The following ASB15 variants were observed in gnomAD, a reference collection of about 807,000 sequenced individuals.
ASB15 encodes the protein ankyrin repeat and SOCS box containing 15, also known as ankyrin repeat and SOCS box protein 15.
In ASB15, 54 loss-of-function variants were observed where a neutral mutation model predicts 58.0. The observed-to-expected ratio is 0.93, with a 90% CI of 0.75 to 1.17. The LOEUF (loss-of-function observed/expected upper bound fraction) is 1.17, where lower values mean the gene tolerates loss of function less well. ASB15 is among the 50% of genes most tolerant of loss of function. The pLI is 0.00. For missense variants in ASB15, 680 were observed against 707.4 expected, an observed-to-expected ratio of 0.96 and a Z score of 0.44; for synonymous variants, 249 against 262.4, an observed-to-expected ratio of 0.95 and a Z score of 0.50.
At chr7:123,622,175 C>T (rs976508215) in intron 7 of ASB15, among the ~76,000 whole-genome samples, 3 of 152,056 alleles carry the variant, frequency 2.0e-5, no homozygotes, top group African/African-American at 4.8e-5. Flanking sequence ...TTAAGCATTA[C>T]TATTGAAGCT....
chr7:123,602,253 TA>T (rs745972098), intron 1 of ASB15, among the ~76,000 whole-genome samples: 2 of 152,074 alleles, frequency 1.3e-5, no homozygotes, highest in African/African-American at 2.4e-5. Flanking sequence ...TGGTTTCTAA[TA>T]AAAAAAATTA....
chr7:123,610,489 T>C (rs1013961695), intron 3 of ASB15, among the ~76,000 whole-genome samples: 2 of 152,210 alleles, frequency 1.3e-5, no homozygotes, highest in Admixed American at 6.5e-5. Flanking sequence ...ATCTGTAAAA[T>C]AAACTAAAAC....
At chr7:123,626,138 C>T (rs1801757606) in intron 8 of ASB15, among the ~76,000 whole-genome samples, 1 of 152,200 alleles carries the variant, frequency 6.6e-6, no homozygotes, top group South Asian at 2.1e-4. Context: ...CTTAGGGTCA[C>T]ACACACTGAT....
chr7:123,591,408 C>T (rs528457736), intron 1 of ASB15, among the ~76,000 whole-genome samples: 39 of 152,154 alleles, frequency 2.6e-4, no homozygotes, highest in Non-Finnish European at 3.7e-4. Context: ...CCAGTTTTTG[C>T]CCACTTAGTA....
At chr7:123,579,548 G>T (rs1275956584) in intron 1 of ASB15, among the ~76,000 whole-genome samples, 4 of 151,922 alleles carry the variant, frequency 2.6e-5, no homozygotes, top group Non-Finnish European at 4.4e-5. Flanking sequence ...TCTATTATCT[G>T]CCCCACTGTA....
chr7:123,578,796 CTATTTTA>C (rs1388828613), intron 1 of ASB15, among the ~76,000 whole-genome samples: 1 of 152,100 alleles, frequency 6.6e-6, no homozygotes, highest in African/African-American at 2.4e-5. Context: ...TATCTTTAAA[CTATTTTA>C]TAAAGTCTTA....
rs907378497 is a variant in ASB15, at chr7:123,638,974, G to A, written c.*1993G>A. 6.6e-6 allele frequency: 1 copy of A among 152,144 alleles called. No homozygotes were observed. The highest frequency in any genetic ancestry group is 6.5e-5 in the Admixed American group (1 of 15,284). 9.4% of individuals were successfully genotyped at this position (152,144 alleles called of 1,614,324 possible). A position where few individuals can be genotyped will look rare whatever the true frequency, so the allele number is the denominator to read the frequency against. On this transcript the variant is annotated 3_prime_UTR_variant, in exon 12 of 12. Transcript: ENST00000451215. ...AGAGCATGGAGTTCAATAATTGTTT[G>A]TTGAAATATATTGAATAAGTGACAA... is the stretch of plus-strand genomic sequence containing the variant.
intron 11 of ASB15, among the ~76,000 whole-genome samples, chr7:123,630,729 G>C (rs1043486712): frequency 1.3e-5 from 2 of 152,132 alleles, no homozygotes. Flanking sequence ...ATAGATTTGA[G>C]ATGCTTTCAC....
chr7:123,627,360 T>A (rs766948334), intron 9 of ASB15, 79 bp downstream of exon 9: 47 of 1,145,564 alleles, frequency 4.1e-5, no homozygotes, highest in Middle Eastern at 2.4e-4. Flanking sequence ...AGTCTATATG[T>A]AATACCTTTC....
chr7:123,630,877 C>T (rs1016981908), intron 11 of ASB15, among the ~76,000 whole-genome samples: 2 of 151,972 alleles, frequency 1.3e-5, no homozygotes, highest in African/African-American at 4.8e-5. Context: ...ATCAGCCTTC[C>T]CCTGGAATTA....
intron 1 of ASB15, among the ~76,000 whole-genome samples, chr7:123,577,773 T>C (rs935083998): frequency 4.6e-5 from 7 of 152,158 alleles, no homozygotes; most frequent in Non-Finnish European, 1.0e-4. Context: ...CTCATGTTTC[T>C]TCATCTTATC....
chr7:123,570,583 G>A (rs1033233403), intron 1 of ASB15, among the ~76,000 whole-genome samples: 1 of 152,152 alleles, frequency 6.6e-6, no homozygotes, highest in Non-Finnish European at 1.5e-5. Flanking sequence ...ACTCTAGCAG[G>A]CATGCCTGCT....
Position 123,639,357 on chromosome 7 carries a change from G to A in ASB15, c.*2376G>A, listed in dbSNP as rs1002625760. 5.3e-5 allele frequency: 8 copies of A among 152,020 alleles called. No individual in the cohort carries two copies. Among genetic ancestry groups the A allele is most frequent in the Non-Finnish European group, 1.0e-4 (7 of 67,996 alleles). 9.4% of individuals were successfully genotyped at this position (152,020 alleles called of 1,614,324 possible). A position where few individuals can be genotyped will look rare whatever the true frequency, so the allele number is the denominator to read the frequency against. The stretch of plus-strand genomic sequence containing the variant: ...GTATACAAGATTTTATTATTCTTGT[G>A]TTGCACTCTTAGACGTGGTTAAATG... On this transcript the variant is annotated 3_prime_UTR_variant, in exon 12 of 12. Transcript: ENST00000451215.
At chr7:123,570,029 C>CTTT (rs5887142) in intron 1 of ASB15, among the ~76,000 whole-genome samples, 37 of 88,194 alleles carry the variant, frequency 4.2e-4, no homozygotes, top group East Asian at 1.1e-3. Context: ...ACTGCCATAG[C>CTTT]TTTTTTTTTT....
chr7:123,569,470 A>G (rs1474154397), intron 1 of ASB15, among the ~76,000 whole-genome samples: 1 of 152,178 alleles, frequency 6.6e-6, no homozygotes, highest in East Asian at 1.9e-4. Flanking sequence ...GTGTGATCCT[A>G]TGTGGCCTTA....
At chr7:123,588,391 G>A (rs1799434102) in intron 1 of ASB15, among the ~76,000 whole-genome samples, 1 of 151,256 alleles carries the variant, frequency 6.6e-6, no homozygotes, top group African/African-American at 2.4e-5. Flanking sequence ...CATTTCATTT[G>A]AATCTTCTCT....
chr7:123,617,781 G>A (rs76164370), intron 7 of ASB15, 44 bp downstream of exon 7: 5 of 1,537,942 alleles, frequency 3.3e-6, no homozygotes, highest in Non-Finnish European at 4.4e-6. Flanking sequence ...TTGAAACAAA[G>A]AATAAGTATT....
chr7:123,576,689 C>T (rs964426762), intron 1 of ASB15, among the ~76,000 whole-genome samples: 8 of 152,058 alleles, frequency 5.3e-5, no homozygotes, highest in Non-Finnish European at 1.0e-4. Context: ...AGTTCCTGCA[C>T]GGAATGCTGC....
chr7:123,608,202 C>T (rs1367152705), intron 2 of ASB15, among the ~76,000 whole-genome samples: 3 of 151,872 alleles, frequency 2.0e-5, no homozygotes, highest in Admixed American at 6.6e-5. Context: ...CGGGTTCTAT[C>T]GTTAGTATAT....
Sources: gnomAD v4.1 joint callset for allele counts (sites outside exome capture counted in the v4.1 genomes callset) on GRCh38, gnomAD v4.1.1 for gene constraint, MANE v1.5 for transcripts, NCBI Gene and HGNC (gene_info 2026-07-23, HGNC 2026-07-21) for gene names.